CSDE1: variants seen among roughly 807,000 people sequenced by gnomAD.
The protein encoded by CSDE1 is cold shock domain-containing protein E1.
CSDE1 carries 17 observed loss-of-function variants against 89.3 expected under a neutral mutation model. That is an observed-to-expected ratio of 0.19 (90% CI 0.13 to 0.29). The LOEUF (loss-of-function observed/expected upper bound fraction) is 0.29, where lower values mean the gene tolerates loss of function less well. Among genes scored for constraint, CSDE1 ranks in the 10% least tolerant of loss-of-function variants. The probability of loss-of-function intolerance (pLI) is 1.00; values close to 1 mark genes in which losing one functional copy is unlikely to be tolerated. For synonymous variants in CSDE1, 322 were observed against 332.8 expected (o/e 0.97, Z 0.35); for missense variants, 672 against 984.2 (o/e 0.68, Z 4.24).
At chr1:114,732,938 G>C in intron 9 of CSDE1, 122 bp from the exon 10 acceptor site, 1 of 790,292 alleles carries the variant, frequency 1.3e-6, no homozygotes, top group Non-Finnish European at 2.0e-6. Context: ...AGCGAAAAAA[G>C]GTGTTGACAA....
intron 2 of CSDE1, among the ~76,000 whole-genome samples, chr1:114,744,413 C>T (rs1660902256): frequency 1.3e-5 from 2 of 152,066 alleles, no homozygotes; most frequent in East Asian, 3.9e-4. Context: ...AACCCTGTCT[C>T]TACAAAAAAA....
chr1:114,750,809 T>C (rs1486097838), intron 1 of CSDE1, among the ~76,000 whole-genome samples: 2 of 152,234 alleles, frequency 1.3e-5, no homozygotes. Flanking sequence ...CTGAGTATTC[T>C]AGGCATGAAA....
chr1:114,736,681 A>T, intron 6 of CSDE1, 77 bp downstream of exon 6: 1 of 831,560 alleles, frequency 1.2e-6, no homozygotes, highest in Non-Finnish European at 1.9e-6. Context: ...TTAGGTTTTT[A>T]ACTCTATTCA....
At position 114,753,907 on chromosome 1, in the gene CSDE1, C is replaced by T. The variant is rs1452840590; in HGVS notation, c.-387-3700G>A. Among the ~76,000 whole-genome samples, 4 of 152,076 alleles carry T rather than the reference C, an allele frequency of 2.6e-5. No individual in the cohort carries two copies. In the East Asian group the frequency reaches 5.8e-4, roughly 22 times the overall value. ...CTCTTGCCTGGGCGACAGAGTAAGA[C>T]GCTGACTCAAAACAATCGCCCCCAC... On this transcript the variant is annotated intron_variant, in intron 1 of 19. Transcript: ENST00000358528.
chr1:114,744,109 C>T (rs750717679), intron 2 of CSDE1, among the ~76,000 whole-genome samples: 1 of 152,242 alleles, frequency 6.6e-6, no homozygotes, highest in African/African-American at 2.4e-5. Flanking sequence ...GATAATTTAA[C>T]AGAACCTTGT....
chr1:114,737,491 C>T lies in CSDE1; in HGVS notation c.382G>A (p.Val128Ile). Residue 128 changes from valine (V) to isoleucine (I), a missense_variant, in exon 5 of 20, where the codon GTA (valine) becomes ATA (isoleucine). By Grantham distance (29) the Val-to-Ile change is conservative (BLOSUM62 3). Around this residue, in one of 8 missense-constraint regions of CSDE1, gnomAD observed 124 missense variants for 138.7 expected, o/e 0.89. Coordinates refer to ENST00000358528, the MANE Select transcript of CSDE1 (RefSeq NM_001007553.3). ...AAPGQSPTGS[V>I]CYERNGEVFY... ...TTTACCCCATTACGTTCGTAGCATA[C>T]ACTCCCTGTTGGACTCTGACCCGGG... 6 of 1,613,824 alleles carry T rather than the reference C, an allele frequency of 3.7e-6. No individual in the cohort carries two copies. Among genetic ancestry groups the T allele is most frequent in the Non-Finnish European group, 5.1e-6 (6 of 1,179,820 alleles).
intron 12 of CSDE1, among the ~76,000 whole-genome samples, chr1:114,729,123 G>C (rs1430532598): frequency 1.3e-5 from 2 of 151,852 alleles, no homozygotes; most frequent in African/African-American, 4.8e-5. Context: ...TTTGGAGACG[G>C]AGTCTCACTC....
At chr1:114,729,909 T>C (rs1401890289) in intron 12 of CSDE1, among the ~76,000 whole-genome samples, 3 of 152,160 alleles carry the variant, frequency 2.0e-5, no homozygotes, top group Admixed American at 6.5e-5. Flanking sequence ...ATATAACTAG[T>C]TCTCTACTTG....
In CSDE1 at chr1:114,730,246, T is replaced by A; in HGVS notation, c.1356+12A>T. On this transcript the variant is annotated intron_variant, in intron 12 of 19. Transcript: ENST00000358528. ...ACAGCTACAAAAATCATTTGGATTA[T>A]GCAAAACCTACCTTCTCTTTGCCTT... The A allele has an allele frequency of 6.2e-7, 1 of 1,612,350 alleles. No homozygotes were observed.
At chr1:114,734,588 A>C in intron 6 of CSDE1, 65 bp from the exon 7 acceptor site, 1 of 1,278,694 alleles carries the variant, frequency 7.8e-7, no homozygotes, top group Non-Finnish European at 1.1e-6. Flanking sequence ...TGGCCTGCTT[A>C]GATATGAGTC....
At chr1:114,742,158 T>C (rs916934874) in intron 2 of CSDE1, among the ~76,000 whole-genome samples, 5 of 152,192 alleles carry the variant, frequency 3.3e-5, no homozygotes, top group Admixed American at 6.5e-5. Context: ...ATTACTCAGG[T>C]ATTCTGAGGA....
At position 114,725,270 on chromosome 1, in the gene CSDE1, T is replaced by A. The variant is rs758938526; in HGVS notation, c.1704A>T (p.Lys568Asn). The A allele has an allele frequency of 6.2e-7, 1 of 1,614,214 alleles. No homozygotes were observed. The highest frequency in any genetic ancestry group is 1.3e-5 in the African/African-American group (1 of 75,060). ...CTGCACTGACTTTGTTGCCTTTGCCTTTGGACAAGCTATACTCGACCATGT... is the reference window on the plus strand; with the variant it reads ...CTGCACTGACTTTGTTGCCTTTGCCATTGGACAAGCTATACTCGACCATGT... ...LGDMVEYSLS[K>N]GKGNKVSAEK... The change falls in exon 15 of 20, where the codon AAA (lysine) becomes AAT (asparagine). Residue 568 changes from lysine (K) to asparagine (N), a missense_variant. Coordinates refer to ENST00000358528, the MANE Select transcript of CSDE1 (RefSeq NM_001007553.3).
intron 1 of CSDE1, among the ~76,000 whole-genome samples, chr1:114,750,776 G>T (rs1312176255): frequency 1.3e-5 from 2 of 152,214 alleles, no homozygotes; most frequent in African/African-American, 4.8e-5. Flanking sequence ...AAATCAGGCA[G>T]AATTCTAGGA....
chr1:114,718,865 T>C (rs1659351800), intron 18 of CSDE1, 120 bp from the exon 19 acceptor site: 1 of 1,052,302 alleles, frequency 9.5e-7, no homozygotes, highest in African/African-American at 1.6e-5. Context: ...ATGGGACTCT[T>C]GCCTCATATA....
rs908936569 is a variant in CSDE1 at position 114,733,842 on chromosome 1, T to C, written c.727A>G (p.Thr243Ala). 3 of 1,613,870 alleles carry C rather than the reference T, an allele frequency of 1.9e-6. No individual in the cohort carries two copies. The African/African-American group carries it at 4.0e-5, about 22-fold the overall frequency. ...IKDRNGKEVATDVRLLPQGTV... is the reference protein window; with the variant it reads ...IKDRNGKEVAADVRLLPQGTV... ...CCTTGAGGCAATAGTCTGACATCTG[T>C]TGCAACTTCTTTACCCTAAATCAGA... The change falls in exon 9 of 20, where the codon ACA (threonine) becomes GCA (alanine). Residue 243 changes from threonine (T) to alanine (A), a missense_variant. By Grantham distance (58) the Thr-to-Ala change is moderately conservative. Around this residue, in one of 8 missense-constraint regions of CSDE1, gnomAD observed 169 missense variants for 262.9 expected, o/e 0.64. Coordinates refer to ENST00000358528, the MANE Select transcript of CSDE1 (RefSeq NM_001007553.3).
chr1:114,719,540 C>A (rs993717530), intron 18 of CSDE1, 39 bp downstream of exon 18: 1 of 1,598,410 alleles, frequency 6.3e-7, no homozygotes, highest in South Asian at 1.1e-5. Context: ...TGAGACACTC[C>A]AGGGTAGTTA....
chr1:114,718,492 T>C (rs1041752272), intron 19 of CSDE1, 121 bp downstream of exon 19: 6 of 1,342,694 alleles, frequency 4.5e-6, no homozygotes, highest in African/African-American at 1.5e-5. Context: ...TCCTAACTAG[T>C]TATAAGCAAT....
intron 2 of CSDE1, among the ~76,000 whole-genome samples, chr1:114,742,186 A>G (rs1452392175): frequency 1.3e-5 from 2 of 152,120 alleles, no homozygotes; most frequent in Non-Finnish European, 2.9e-5. Context: ...GAGAACTCCA[A>G]AAGAGGCCAA....
At chr1:114,719,828 T>C (rs1659411883) in intron 17 of CSDE1, 86 bp from the exon 18 acceptor site, 2 of 1,316,316 alleles carry the variant, frequency 1.5e-6, no homozygotes, top group East Asian at 2.3e-5. Context: ...TCTAAAAGGA[T>C]GTATAAAACA....
Sources: allele counts gnomAD v4.1 joint callset (sites outside exome capture counted in the v4.1 genomes callset), GRCh38; gene constraint gnomAD v4.1.1; regional missense constraint gnomAD v4.1.1; transcripts MANE v1.5; gene names NCBI Gene and HGNC (gene_info 2026-07-23, HGNC 2026-07-21).